The following MBD5 variants were observed in gnomAD, a reference collection of about 807,000 sequenced individuals.
MBD5 encodes methyl-CpG binding domain protein 5.
MBD5 carries 13 observed loss-of-function variants against 117.3 expected under a neutral mutation model. That is an observed-to-expected ratio of 0.11 (90% CI 0.07 to 0.18). The LOEUF (loss-of-function observed/expected upper bound fraction) is 0.18, where lower values mean the gene tolerates loss of function less well. Among genes scored for constraint, MBD5 ranks in the 10% least tolerant of loss-of-function variants. The pLI, the probability that MBD5 is intolerant of heterozygous loss-of-function variation, is 1.00. For synonymous variants in MBD5, 727 were observed against 766.4 expected (o/e 0.95, Z 0.85); for missense variants, 1,879 against 2,093.8 (o/e 0.90, Z 2.00).
intron 2 of MBD5, among the ~76,000 whole-genome samples, chr2:148,179,245 C>A (rs1234508225): frequency 1.3e-5 from 2 of 151,678 alleles, no homozygotes; most frequent in Non-Finnish European, 2.9e-5. Flanking sequence ...GTCCCAGCTA[C>A]TCGGGAGGCT....
intron 1 of MBD5, among the ~76,000 whole-genome samples, chr2:148,141,434 C>T (rs1697310985): frequency 6.6e-6 from 1 of 152,218 alleles, no homozygotes; most frequent in Admixed American, 6.5e-5. Flanking sequence ...GAATAAATGT[C>T]CAACAATTCA....
At chr2:148,187,493 G>A (rs1171444583) in intron 2 of MBD5, among the ~76,000 whole-genome samples, 1 of 151,922 alleles carries the variant, frequency 6.6e-6, no homozygotes, top group African/African-American at 2.4e-5. Flanking sequence ...AAATAGAAAA[G>A]AAAACCATAC....
At chr2:148,123,119 C>T (rs1696808457) in intron 1 of MBD5, among the ~76,000 whole-genome samples, 1 of 152,164 alleles carries the variant, frequency 6.6e-6, no homozygotes, top group Admixed American at 6.5e-5. Flanking sequence ...AAGTCTTTCT[C>T]CTGTTTAGTC....
chr2:148,458,211 A>T lies in MBD5; in HGVS notation c.-548A>T, dbSNP rs1433592682. The T allele has an allele frequency of 2.5e-6, 1 of 401,946 alleles. No homozygotes were observed. Among genetic ancestry groups the T allele is most frequent in the African/African-American group, 2.1e-5 (1 of 48,602 alleles). 24.9% of individuals were successfully genotyped at this position (401,946 alleles called of 1,614,324 possible). ...ATTTACATATGTTTCAGGCTACATT[A>T]TTGGAATTTTGAAGTCATGAAAACA... On this transcript the variant is annotated 5_prime_UTR_variant, in exon 5 of 14. Transcript: ENST00000642680.
At chr2:148,046,354 T>G (rs1279909030) in intron 1 of MBD5, among the ~76,000 whole-genome samples, 1 of 152,208 alleles carries the variant, frequency 6.6e-6, no homozygotes, top group Admixed American at 6.5e-5. Context: ...GTTTTGTGAT[T>G]GGTTGAGAAA....
At chr2:148,334,482 G>A (rs1033668439) in intron 3 of MBD5, among the ~76,000 whole-genome samples, 4 of 151,836 alleles carry the variant, frequency 2.6e-5, no homozygotes, top group Admixed American at 1.3e-4. Flanking sequence ...ACATGTGTGC[G>A]CCACTAAGCC....
intron 4 of MBD5, among the ~76,000 whole-genome samples, chr2:148,353,457 T>G (rs148989939): frequency 3.3e-5 from 5 of 152,242 alleles, no homozygotes; most frequent in Non-Finnish European, 7.4e-5. Flanking sequence ...ACTTGAAAAT[T>G]TTTGTTAATC....
At chr2:148,419,899 A>T (rs6430315) in intron 4 of MBD5, among the ~76,000 whole-genome samples, 7,142 of 152,114 alleles carry the variant, frequency 0.047, 518 homozygotes, top group African/African-American at 0.16. Flanking sequence ...TTCCAGATAA[A>T]CATCTCTGGA....
At chr2:148,412,272 T>TTTTGTGTG (rs946184910) in intron 4 of MBD5, among the ~76,000 whole-genome samples, 2 of 144,480 alleles carry the variant, frequency 1.4e-5, no homozygotes, top group South Asian at 2.2e-4. Flanking sequence ...AGTATACTTT[T>TTTTGTGTG]TGTGTGTGTG....
At chr2:148,319,585 A>T (rs1408312564) in intron 3 of MBD5, among the ~76,000 whole-genome samples, 1 of 152,102 alleles carries the variant, frequency 6.6e-6, no homozygotes, top group Admixed American at 6.5e-5. Flanking sequence ...AATGCTACTG[A>T]TATCTGTATG....
At chr2:148,127,075 G>C (rs11887853) in intron 1 of MBD5, among the ~76,000 whole-genome samples, 3 of 150,990 alleles carry the variant, frequency 2.0e-5, no homozygotes, top group African/African-American at 4.9e-5. Flanking sequence ...TCCCGGGTTC[G>C]GGCGATTCTC....
At chr2:148,037,935 A>G (rs935651015) in intron 1 of MBD5, among the ~76,000 whole-genome samples, 2 of 151,996 alleles carry the variant, frequency 1.3e-5, no homozygotes, top group African/African-American at 4.8e-5. Flanking sequence ...AGTTCTTTTC[A>G]GCTATTTAGA....
rs558691948 is a variant in MBD5 at position 148,325,305 on chromosome 2, T to C, written c.-679-16909T>C. ...ATTGGTCTAAAATTCTCTTTTTTGGTTGTGTCTCTGCCAGGCTTTGGTATC... is the reference window on the plus strand; with the variant it reads ...ATTGGTCTAAAATTCTCTTTTTTGGCTGTGTCTCTGCCAGGCTTTGGTATC... On this transcript the variant is annotated intron_variant, in intron 3 of 13. Coordinates refer to ENST00000642680, the MANE Select transcript of MBD5 (RefSeq NM_001378120.1). Among the ~76,000 whole-genome samples the C allele has an allele frequency of 2.2e-3, 337 of 152,236 alleles. 1 individual carries two copies. The highest frequency in any genetic ancestry group is 7.5e-3 in the African/African-American group (313 of 41,530).
At chr2:148,240,376 C>T (rs1700189944) in intron 3 of MBD5, among the ~76,000 whole-genome samples, 1 of 151,824 alleles carries the variant, frequency 6.6e-6, no homozygotes, top group Non-Finnish European at 1.5e-5. Context: ...TGTAACAAAC[C>T]TCCATGTTGT....
intron 8 of MBD5, 163 bp downstream of exon 8, chr2:148,470,624 A>G (rs1160748023): frequency 4.9e-6 from 3 of 613,802 alleles, no homozygotes; most frequent in Non-Finnish European, 8.1e-6. Flanking sequence ...AATGCTAGGG[A>G]TTTGTCTATT....
intron 3 of MBD5, among the ~76,000 whole-genome samples, chr2:148,325,348 A>G (rs1418269376): frequency 1.3e-5 from 2 of 152,206 alleles, no homozygotes; most frequent in East Asian, 1.9e-4. Flanking sequence ...TGCTGGCCTC[A>G]TAAAATGAGT....
At chr2:148,264,093 G>A (rs1350949525) in intron 3 of MBD5, 1 of 152,126 alleles carries the variant, frequency 6.6e-6, no homozygotes. Flanking sequence ...TGTAGATGTG[G>A]ACCATGAAAT....
chr2:148,084,647 T>G (rs1285478850), intron 1 of MBD5, among the ~76,000 whole-genome samples: 1 of 152,186 alleles, frequency 6.6e-6, no homozygotes, highest in African/African-American at 2.4e-5. Context: ...ATACTTTTGG[T>G]TATTTAAATT....
chr2:148,240,542 A>C (rs894310839), intron 3 of MBD5, among the ~76,000 whole-genome samples: 3 of 152,162 alleles, frequency 2.0e-5, no homozygotes, highest in African/African-American at 7.2e-5. Flanking sequence ...GAGCCACTGC[A>C]CCCAACCTCA....
Sources: allele counts gnomAD v4.1 joint callset (sites outside exome capture counted in the v4.1 genomes callset), GRCh38; gene constraint gnomAD v4.1.1; transcripts MANE v1.5; gene names NCBI Gene and HGNC (gene_info 2026-07-23, HGNC 2026-07-21).